PRPSAP1: variants seen among roughly 807,000 people sequenced by gnomAD.
The protein encoded by PRPSAP1 is phosphoribosyl pyrophosphate synthase-associated protein 1.
In PRPSAP1, 31 loss-of-function variants were observed where a neutral mutation model predicts 39.4. The ratio of observed to expected loss-of-function variants is 0.79; its 90% CI spans 0.59 to 1.06. PRPSAP1 has a LOEUF of 1.06. Ranked by LOEUF, PRPSAP1 falls within the 50% of genes least tolerant of loss-of-function variation. The probability of loss-of-function intolerance (pLI) is 0.00; values close to 1 mark genes in which losing one functional copy is unlikely to be tolerated. For missense variants in PRPSAP1, 430 were observed against 511.6 expected, an observed-to-expected ratio of 0.84 and a Z score of 1.54; for synonymous variants, 212 against 192.6, an observed-to-expected ratio of 1.10 and a Z score of -0.83.
chr17:76,353,609 G>T lies in PRPSAP1; in HGVS notation c.95C>A (p.Ala32Asp). The change falls in exon 1 of 10, where the codon GCC (alanine) becomes GAC (aspartate). Residue 32 changes from alanine (A) to aspartate (D), a missense_variant. This residue lies in a region of PRPSAP1 where 152 missense variants were observed against 135.2 expected (regional missense o/e 1.12). Transcript: ENST00000446526. ...GAAGACTCGGTAGCCGGTGCGAGCG[G>T]CGTTCATGGCCGGCGGGGGAACGGG... is the stretch of plus-strand genomic sequence containing the variant. The part of the protein sequence containing the change: ...ARPVPPPAMN[A>D]ARTGYRVFSA... 1 of 1,557,444 alleles carries T rather than the reference G, an allele frequency of 6.4e-7. No homozygotes were observed. The highest frequency in any genetic ancestry group is 1.4e-5 in the African/African-American group (1 of 71,168).
chr17:76,342,482 G>A (rs1436957816), intron 3 of PRPSAP1, among the ~76,000 whole-genome samples: 2 of 152,140 alleles, frequency 1.3e-5, no homozygotes, highest in East Asian at 3.9e-4. Flanking sequence ...GGGAGGCTGA[G>A]GCGGGTGGAT....
intron 6 of PRPSAP1, 99 bp from the exon 7 acceptor site, chr17:76,328,961 C>G: frequency 2.2e-6 from 3 of 1,337,556 alleles, no homozygotes. Context: ...TTTAACGTTT[C>G]AGGGACATAC....
In PRPSAP1 at chr17:76,347,759, G is replaced by A. The variant is rs115654764; in HGVS notation, c.223+770C>T. Among the ~76,000 whole-genome samples the A allele has an allele frequency of 7.4e-3, 1,129 of 152,158 alleles. 12 individuals are homozygous for A. Among genetic ancestry groups the A allele is most frequent in the African/African-American group, 0.026 (1,069 of 41,522 alleles). ...GGAGTGGCCACGGGGAGGCCATGGCGTCTGTTTTGGAAGGTGTCTAGCAAG... is the reference window on the plus strand; with the variant it reads ...GGAGTGGCCACGGGGAGGCCATGGCATCTGTTTTGGAAGGTGTCTAGCAAG... On this transcript the variant is annotated intron_variant, in intron 2 of 9. Coordinates refer to ENST00000446526, the MANE Select transcript of PRPSAP1 (RefSeq NM_002766.3).
chr17:76,331,150 A>G (rs1363719325), intron 4 of PRPSAP1, among the ~76,000 whole-genome samples: 1 of 152,242 alleles, frequency 6.6e-6, no homozygotes, highest in African/African-American at 2.4e-5. Context: ...TGTATGTAAC[A>G]AAGAATGTTT....
chr17:76,320,780 TTC>T (rs900401489), intron 7 of PRPSAP1, among the ~76,000 whole-genome samples: 5 of 127,456 alleles, frequency 3.9e-5, no homozygotes, highest in Admixed American at 3.3e-4. Context: ...GGAGCCATTT[TTC>T]TCTCTTTTTT....
rs981649040 is a variant in PRPSAP1, at chr17:76,341,244, T to G, written c.290+3427A>C. Among the ~76,000 whole-genome samples the G allele has an allele frequency of 7.8e-3, 1,159 of 149,438 alleles. 15 individuals are homozygous for G. Among genetic ancestry groups the G allele is most frequent in the African/African-American group, 0.026 (1,075 of 40,694 alleles). On this transcript the variant is annotated intron_variant, in intron 3 of 9. Coordinates refer to ENST00000446526, the MANE Select transcript of PRPSAP1 (RefSeq NM_002766.3). ...ATTTGACTTTTTTTTGTTTTTTTTT[T>G]TTTTTTTTTTTGAGATAAGATCTGG...
At chr17:76,318,284 C>A (rs558238186) in intron 7 of PRPSAP1, among the ~76,000 whole-genome samples, 3 of 152,026 alleles carry the variant, frequency 2.0e-5, no homozygotes, top group Non-Finnish European at 4.4e-5. Flanking sequence ...CCCATCTCTA[C>A]TAAAAATACA....
intron 7 of PRPSAP1, among the ~76,000 whole-genome samples, chr17:76,320,939 T>TC: frequency 2.6e-5 from 4 of 151,504 alleles, no homozygotes; most frequent in Non-Finnish European, 4.4e-5. Context: ...ATGCCACACC[T>TC]GGCTAATTTT....
At chr17:76,348,225 C>T (rs1221550068) in intron 2 of PRPSAP1, among the ~76,000 whole-genome samples, 3 of 151,766 alleles carry the variant, frequency 2.0e-5, no homozygotes, top group African/African-American at 4.8e-5. Context: ...GTAATCCTAG[C>T]ACTTTGGGAG....
At chr17:76,328,320 A>G (rs2071275665) in intron 7 of PRPSAP1, among the ~76,000 whole-genome samples, 1 of 152,206 alleles carries the variant, frequency 6.6e-6, no homozygotes, top group African/African-American at 2.4e-5. Context: ...GGCCAGGTGC[A>G]GTGGCTCATG....
chr17:76,352,663 AAAAAG>A (rs1567812326), intron 1 of PRPSAP1, among the ~76,000 whole-genome samples: 1 of 144,886 alleles, frequency 6.9e-6, no homozygotes, highest in South Asian at 2.1e-4. Flanking sequence ...AAAAAAAAAA[AAAAAG>A]AAAAGAAAAA....
intron 7 of PRPSAP1, among the ~76,000 whole-genome samples, chr17:76,318,765 G>A (rs187894218): frequency 6.6e-6 from 1 of 152,172 alleles, no homozygotes; most frequent in African/African-American, 2.4e-5. Context: ...ATGTCTAGAA[G>A]TAATGCACTC....
At chr17:76,340,397 A>G (rs1330225557) in intron 3 of PRPSAP1, among the ~76,000 whole-genome samples, 4 of 151,782 alleles carry the variant, frequency 2.6e-5, no homozygotes, top group Admixed American at 6.6e-5. Context: ...TCCCTGGAAG[A>G]CACTTGCACA....
At chr17:76,330,143 A>G in intron 5 of PRPSAP1, 45 bp from the exon 6 acceptor site, 2 of 1,521,504 alleles carry the variant, frequency 1.3e-6, no homozygotes, top group Non-Finnish European at 1.8e-6. Flanking sequence ...GTTATCAGAA[A>G]ATAACACCTG....
Position 76,351,512 on chromosome 17 carries a change from C to CAAAACAA in PRPSAP1, c.170+2015_170+2021dup, listed in dbSNP as rs372627124. Among the ~76,000 whole-genome samples, 7 of 150,386 alleles carry CAAAACAA rather than the reference C, an allele frequency of 4.7e-5. No individual in the cohort carries two copies. The East Asian group carries it at 9.8e-4, about 21-fold the overall frequency. ...CCTGGGCGACAGCGAGACTCCGTCTCAAAACAAAAAACAAAAAACAAAAAA... is the reference window on the plus strand; with the variant it reads ...CCTGGGCGACAGCGAGACTCCGTCTCAAAACAAAAAACAAAAAACAAAAAACAAAAAA... On this transcript the variant is annotated intron_variant, in intron 1 of 9. Coordinates refer to ENST00000446526, the MANE Select transcript of PRPSAP1 (RefSeq NM_002766.3).
intron 8 of PRPSAP1, chr17:76,313,228 C>A: frequency 2.1e-6 from 1 of 479,434 alleles, no homozygotes; most frequent in Non-Finnish European, 3.6e-6. Context: ...CGGGCGCAGT[C>A]AAGCACCTGT....
chr17:76,328,246 A>C (rs188770179), intron 7 of PRPSAP1, among the ~76,000 whole-genome samples: 2 of 152,208 alleles, frequency 1.3e-5, no homozygotes, highest in East Asian at 3.9e-4. Context: ...AAAAACAACA[A>C]GACAGCATAT....
intron 9 of PRPSAP1, 57 bp from the exon 10 acceptor site, chr17:76,311,757 G>T: frequency 6.4e-7 from 1 of 1,552,992 alleles, no homozygotes; most frequent in South Asian, 1.2e-5. Flanking sequence ...CTCCAAGCTG[G>T]TTACACAGAA....
intron 9 of PRPSAP1, among the ~76,000 whole-genome samples, chr17:76,312,495 A>G (rs895383716): frequency 1.3e-5 from 2 of 152,134 alleles, no homozygotes; most frequent in Non-Finnish European, 2.9e-5. Context: ...AACTTGGCCT[A>G]GCCCTACCTT....
Sources: allele counts gnomAD v4.1 joint callset (sites outside exome capture counted in the v4.1 genomes callset), GRCh38; gene constraint gnomAD v4.1.1; regional missense constraint gnomAD v4.1.1; transcripts MANE v1.5; gene names NCBI Gene and HGNC (gene_info 2026-07-23, HGNC 2026-07-21).